OAS2: variants seen among roughly 807,000 people sequenced by gnomAD.
OAS2 encodes 2'-5'-oligoadenylate synthetase 2.
OAS2 carries 67 observed loss-of-function variants against 71.3 expected under a neutral mutation model. That is an observed-to-expected ratio of 0.94 (90% confidence interval 0.77 to 1.15). OAS2 has a LOEUF of 1.15. Among genes scored for constraint, OAS2 ranks in the 50% most tolerant of loss-of-function variants. The pLI is 0.00. For missense variants in OAS2, 789 were observed against 822.5 expected (o/e 0.96, Z 0.50); for synonymous variants, 327 against 321.8 (o/e 1.02, Z -0.17).
At position 113,010,041 on chromosome 12, in the gene OAS2, C is replaced by A; in HGVS notation, c.*786C>A. The A allele has an allele frequency of 1.0e-6, 1 of 976,496 alleles. No homozygotes were observed. The highest frequency in any genetic ancestry group is 1.7e-5 in the African/African-American group (1 of 57,338). The allele number at this position is 976,496 out of a possible 1,614,324, so 60.5% of individuals were successfully genotyped here. A position where few individuals can be genotyped will look rare whatever the true frequency, so the allele number is the denominator to read the frequency against. ...TTGTGCATTGTAGGATGTTGAGCAG[C>A]ATCTCTGGCCTGTACCCAGTAGATG... On this transcript the variant is annotated 3_prime_UTR_variant, in exon 10 of 10. Coordinates refer to ENST00000392583, the MANE Select transcript of OAS2 (RefSeq NM_002535.3).
At chr12:112,987,407 G>A (rs2044149597) in intron 2 of OAS2, 99 bp downstream of exon 2, 2 of 1,514,204 alleles carry the variant, frequency 1.3e-6, no homozygotes, top group Non-Finnish European at 1.8e-6. Context: ...TACCACTGCT[G>A]CTTTAAAAAA....
At chr12:113,001,431 TATATATACACATATATAC>T (rs71086130) in intron 5 of OAS2, among the ~76,000 whole-genome samples, 42,327 of 144,312 alleles carry the variant, frequency 0.29, 6,436 homozygotes, top group Admixed American at 0.34. Flanking sequence ...TATATGCACA[TATATATACACATATATAC>T]ATATATACAC....
At chr12:113,000,594 C>T (rs2044275132) in intron 5 of OAS2, among the ~76,000 whole-genome samples, 1 of 151,314 alleles carries the variant, frequency 6.6e-6, no homozygotes, top group South Asian at 2.1e-4. Flanking sequence ...CACATACATG[C>T]ATACACACAT....
chr12:113,001,011 G>A (rs1446814886), intron 5 of OAS2, among the ~76,000 whole-genome samples: 1 of 152,026 alleles, frequency 6.6e-6, no homozygotes, highest in African/African-American at 2.4e-5. Flanking sequence ...GCCTCTTACT[G>A]CTGTTTTAAA....
In OAS2 at chr12:113,011,024, T is replaced by C. The variant is rs1281170205; in HGVS notation, c.*1769T>C. 1 of 143,098 alleles carries C rather than the reference T, an allele frequency of 7.0e-6. No individual in the cohort carries two copies. Among genetic ancestry groups the C allele is most frequent in the Non-Finnish European group, 1.5e-5 (1 of 66,752 alleles). The allele number at this position is 143,098 out of a possible 1,614,324, so 8.9% of individuals were successfully genotyped here. Reference sequence around the variant, plus strand: ...CTGTTGTCATATTTATATGAGGCTGTTGTCTTTTCCTTCTGAGCCTGCCTT... The same window carrying C: ...CTGTTGTCATATTTATATGAGGCTGCTGTCTTTTCCTTCTGAGCCTGCCTT... On this transcript the variant is annotated 3_prime_UTR_variant, in exon 10 of 10. Transcript: ENST00000392583.
chr12:112,980,863 A>G (rs778893898), intron 1 of OAS2, among the ~76,000 whole-genome samples: 39 of 152,066 alleles, frequency 2.6e-4, no homozygotes, highest in Admixed American at 1.8e-3. Flanking sequence ...CTTTACTCCA[A>G]ATCCTTGCTA....
At chr12:112,987,742 A>T in intron 2 of OAS2, 1 of 1,007,572 alleles carries the variant, frequency 9.9e-7, no homozygotes, top group Non-Finnish European at 1.2e-6. Flanking sequence ...GATGAGGCAG[A>T]CATCTGGGAA....
chr12:113,005,239 C>G lies in OAS2; in HGVS notation c.1468+17C>G. On this transcript the variant is annotated intron_variant, in intron 7 of 9. Coordinates refer to ENST00000392583, the MANE Select transcript of OAS2 (RefSeq NM_002535.3). The stretch of plus-strand genomic sequence containing the variant: ...ATGCACTGGGTAAGGCTCCCCAGAC[C>G]TTAGCTTGGAAGTGATGGTGGACAG... 4 of 1,603,500 alleles carry G rather than the reference C, an allele frequency of 2.5e-6. No homozygotes were observed. In the South Asian group the frequency reaches 4.4e-5, roughly 18 times the overall value.
Position 112,978,833 on chromosome 12 carries a change from G to T in OAS2, c.177+48G>T. ...GTCTCTGGGAGGCAGGAGATTCCAC[G>T]GCGGCAGCAAGGCCGAGCTACTGGG... On this transcript the variant is annotated intron_variant, in intron 1 of 9. Coordinates refer to ENST00000392583, the MANE Select transcript of OAS2 (RefSeq NM_002535.3). The surrounding 1 kb of genome is among the most constrained non-coding windows in gnomAD (Gnocchi z 4.2). The T allele has an allele frequency of 6.4e-7, 1 of 1,566,154 alleles. No individual in the cohort carries two copies. The highest frequency in any genetic ancestry group is 8.7e-7 in the Non-Finnish European group (1 of 1,152,940).
rs760763411 is a variant in OAS2 at position 112,995,420 on chromosome 12, C to T, written c.573C>T (p.Asn191=). 10 of 1,614,108 alleles carry T rather than the reference C, an allele frequency of 6.2e-6. 1 individual carries two copies. In the South Asian group the frequency reaches 9.9e-5, roughly 16 times the overall value. ...AACTCCAGCAGAAGTTTTTTGACAA[C>T]CGTCCTGGAAAACTAAAGGATTTGA... ...FTELQQKFFD[N]RPGKLKDLIL... Residue 191 remains asparagine (N), a synonymous_variant, in exon 3 of 10, where the codon AAC becomes AAT. Coordinates refer to ENST00000392583, the MANE Select transcript of OAS2 (RefSeq NM_002535.3).
chr12:113,009,720 T>G lies in OAS2; in HGVS notation c.*465T>G. 1.0e-6 allele frequency: 1 copy of G among 987,130 alleles called. No individual in the cohort carries two copies. The highest frequency in any genetic ancestry group is 1.2e-6 in the Non-Finnish European group (1 of 831,250). 61.1% of individuals were successfully genotyped at this position (987,130 alleles called of 1,614,324 possible). A position where few individuals can be genotyped will look rare whatever the true frequency, so the allele number is the denominator to read the frequency against. On this transcript the variant is annotated 3_prime_UTR_variant, in exon 10 of 10. Coordinates refer to ENST00000392583, the MANE Select transcript of OAS2 (RefSeq NM_002535.3). ...GAACACAGTGATTTTATTAGAAGTT[T>G]CATCCGCAAATTTTCTTCCATTTCA...
intron 7 of OAS2, among the ~76,000 whole-genome samples, chr12:113,005,918 C>CAAAAAAAAAA (rs138299398): frequency 5.9e-4 from 29 of 49,042 alleles, no homozygotes; most frequent in South Asian, 8.0e-4. Context: ...ACAACAACAA[C>CAAAAAAAAAA]AAAAAAAAAA....
Position 112,987,245 on chromosome 12 carries a change from A to T in OAS2, c.385A>T (p.Ile129Phe). The change falls in exon 2 of 10, where the codon ATC becomes TTC. Residue 129 changes from isoleucine to phenylalanine, a missense_variant. Coordinates refer to ENST00000392583, the MANE Select transcript of OAS2 (RefSeq NM_002535.3). Reference sequence around the variant, plus strand: ...CCAGAAGTCCCTTGATGGGTTCACCATCCAGGTGTTCACAAAAAATCAGAG... The same window carrying T: ...CCAGAAGTCCCTTGATGGGTTCACCTTCCAGGTGTTCACAAAAAATCAGAG... Reference protein sequence around the residue: ...EIQKSLDGFTIQVFTKNQRIS... With the variant: ...EIQKSLDGFTFQVFTKNQRIS... 1 of 1,614,218 alleles carries T rather than the reference A, an allele frequency of 6.2e-7. No homozygotes were observed. Among genetic ancestry groups the T allele is most frequent in the Non-Finnish European group, 8.5e-7 (1 of 1,180,030 alleles).
intron 2 of OAS2, 165 bp downstream of exon 2, chr12:112,987,473 C>T (rs929484568): frequency 1.4e-6 from 2 of 1,447,960 alleles, no homozygotes; most frequent in African/African-American, 2.9e-5. Flanking sequence ...GACTCGCTCT[C>T]TTCTCTGGAA....
intron 9 of OAS2, among the ~76,000 whole-genome samples, chr12:113,008,829 G>A (rs1593208458): frequency 1.3e-5 from 2 of 152,256 alleles, no homozygotes; most frequent in African/African-American, 4.8e-5. Flanking sequence ...GTTTCTGCAT[G>A]TTGGCCAGGA....
At chr12:112,995,506 A>T (rs780667641) in intron 3 of OAS2, 32 bp downstream of exon 3, 1 of 1,569,118 alleles carries the variant, frequency 6.4e-7, no homozygotes, top group Non-Finnish European at 8.7e-7. Flanking sequence ...TATGGTTATC[A>T]TTCATTTCCT....
chr12:113,004,946 G>A lies in OAS2; in HGVS notation c.1192G>A (p.Ala398Thr), dbSNP rs143746502. The change falls in exon 7 of 10, where the codon GCC becomes ACC. Residue 398 changes from alanine (A) to threonine (T), a missense_variant. Coordinates refer to ENST00000392583, the MANE Select transcript of OAS2 (RefSeq NM_002535.3). ...CTTTCTTCCTTAGGGAGGATCAACCGCCAAAGGCACAGCTCTGAAGACTGG... is the reference window on the plus strand; with the variant it reads ...CTTTCTTCCTTAGGGAGGATCAACCACCAAAGGCACAGCTCTGAAGACTGG... ...KIQIVRGGST[A>T]KGTALKTGSD... 2.1e-5 allele frequency: 34 copies of A among 1,613,916 alleles called. No individual in the cohort carries two copies. The highest frequency in any genetic ancestry group is 2.0e-4 in the African/African-American group (15 of 75,000).
chr12:112,995,470 A>T lies in OAS2; in HGVS notation c.623A>T (p.Gln208Leu). Residue 208 changes from glutamine to leucine, a missense_variant, in exon 3 of 10, where the codon CAA becomes CTA. By Grantham distance (113) the Gln-to-Leu change is moderately radical. Coordinates refer to ENST00000392583, the MANE Select transcript of OAS2 (RefSeq NM_002535.3). ...DLILLIKHWH[Q>L]QCQKKIKDLP... is the part of the protein sequence containing the mutation. ...ATCCTCTTGATAAAGCACTGGCATC[A>T]ACAGGTAATTTTCCAACTGTCTATA... 6.2e-7 allele frequency: 1 copy of T among 1,611,642 alleles called. No individual in the cohort carries two copies. The highest frequency in any genetic ancestry group is 1.7e-4 in the Middle Eastern group (1 of 6,052).
At chr12:112,998,615 C>A (rs761149482) in intron 5 of OAS2, among the ~76,000 whole-genome samples, 6 of 152,202 alleles carry the variant, frequency 3.9e-5, no homozygotes, top group Non-Finnish European at 8.8e-5. Flanking sequence ...GTTGGCAGAG[C>A]CAAGCTCTCT....
Sources: allele counts gnomAD v4.1 joint callset (sites outside exome capture counted in the v4.1 genomes callset), GRCh38; gene constraint gnomAD v4.1.1; non-coding constraint Gnocchi (gnomAD v3.1); transcripts MANE v1.5; gene names NCBI Gene and HGNC (gene_info 2026-07-23, HGNC 2026-07-21).